The following ACO1 variants were observed in gnomAD, a reference collection of about 807,000 sequenced individuals.
ACO1 encodes the protein aconitase 1, also known as cytoplasmic aconitate hydratase.
In ACO1, 78 loss-of-function variants were observed where a neutral mutation model predicts 105.1. That is an observed-to-expected ratio of 0.74 (90% CI 0.62 to 0.90). ACO1 has a LOEUF of 0.90. ACO1 is among the 40% of genes least tolerant of loss of function. The probability of loss-of-function intolerance (pLI) is 0.00; values close to 1 mark genes in which losing one functional copy is unlikely to be tolerated. For missense variants in ACO1, 965 were observed against 1,111.1 expected (o/e 0.87, Z 1.87); for synonymous variants, 364 against 397.4 (o/e 0.92, Z 1.00).
chr9:32,440,518 C>A lies in ACO1; in HGVS notation c.2301C>A (p.Ile767=), dbSNP rs374624250. Reference sequence around the variant, plus strand: ...ACCAGCAGGCAGGCCTTCCCCTGATCGTTCTGGCTGGCAAAGAGTACGGTG... The same window carrying A: ...ACCAGCAGGCAGGCCTTCCCCTGATAGTTCTGGCTGGCAAAGAGTACGGTG... ...ERYQQAGLPL[I]VLAGKEYGAG... The change falls in exon 19 of 21, where the codon ATC becomes ATA. Residue 767 remains isoleucine (I), a synonymous_variant. Transcript: ENST00000309951. 10 of 1,613,860 alleles carry A rather than the reference C, an allele frequency of 6.2e-6. No homozygotes were observed. Among genetic ancestry groups the A allele is most frequent in the Non-Finnish European group, 7.6e-6 (9 of 1,179,946 alleles).
At position 32,454,119 on chromosome 9, in the gene ACO1, G is replaced by A. The variant is rs925576580; in HGVS notation, c.*4008G>A. On this transcript the variant is annotated 3_prime_UTR_variant, in exon 21 of 21. Transcript: ENST00000309951. ...TGTCCCCTGAGTAAAACAGTTCCAC[G>A]GTCAGTACATTTGGGAACCACTGAG... 3 of 152,116 alleles carry A rather than the reference G, an allele frequency of 2.0e-5. No individual in the cohort carries two copies. Among genetic ancestry groups the A allele is most frequent in the South Asian group, 2.1e-4 (1 of 4,832 alleles). 9.4% of individuals were successfully genotyped at this position (152,116 alleles called of 1,614,324 possible).
intron 1 of ACO1, among the ~76,000 whole-genome samples, chr9:32,395,688 C>A (rs1241876408): frequency 6.6e-6 from 1 of 152,168 alleles, no homozygotes; most frequent in Non-Finnish European, 1.5e-5. Flanking sequence ...ACAATGCCCC[C>A]ACTTCTTCCT....
chr9:32,402,415 A>C (rs1821517647), intron 1 of ACO1, among the ~76,000 whole-genome samples: 1 of 152,214 alleles, frequency 6.6e-6, no homozygotes, highest in South Asian at 2.1e-4. Context: ...TGTTGAATGA[A>C]GATCAGATAA....
chr9:32,393,501 T>C (rs1821309318), intron 1 of ACO1, among the ~76,000 whole-genome samples: 1 of 152,208 alleles, frequency 6.6e-6, no homozygotes, highest in African/African-American at 2.4e-5. Context: ...AATTTTAATT[T>C]TGCCTCAGTC....
chr9:32,410,634 A>G (rs567115185), intron 4 of ACO1, among the ~76,000 whole-genome samples: 71 of 152,318 alleles, frequency 4.7e-4, no homozygotes, highest in African/African-American at 1.5e-3. Context: ...TTGGCTCAAA[A>G]TGGTAATCAA....
At chr9:32,411,254 A>G (rs745540192) in intron 4 of ACO1, among the ~76,000 whole-genome samples, 7 of 152,246 alleles carry the variant, frequency 4.6e-5, no homozygotes, top group Non-Finnish European at 8.8e-5. Flanking sequence ...ATCTTAACCT[A>G]GAAGTATGAC....
rs1554660739 is a variant in ACO1 at position 32,416,097 on chromosome 9, C to CA, written c.405-2031_405-2030insA. On this transcript the variant is annotated intron_variant, in intron 4 of 20. Coordinates refer to ENST00000309951, the MANE Select transcript of ACO1 (RefSeq NM_002197.3). ...TCTGTGTGGTAACCAAATATGTTTT[C>CA]TTTTTTTTTTTTTTTGAGATGGCGT... 2.9e-5 allele frequency among the ~76,000 whole-genome samples: 4 copies of CA among 137,888 alleles called. No individual in the cohort carries two copies. In the East Asian group the frequency reaches 8.5e-4, roughly 29 times the overall value. The allele number at this position is 137,888 out of a possible 152,430, so 90.5% of individuals were successfully genotyped here. A position where few individuals can be genotyped will look rare whatever the true frequency, so the allele number is the denominator to read the frequency against.
rs1007176805 is a variant in ACO1 at position 32,432,086 on chromosome 9, G to C, written c.1851+243G>C. 9.2e-5 allele frequency among the ~76,000 whole-genome samples: 14 copies of C among 152,078 alleles called. 1 individual carries two copies. The highest frequency in any genetic ancestry group is 9.2e-4 in the Admixed American group (14 of 15,262). ...GTTGGTGACAGCCTAGAGAAGAAAG[G>C]CCTCCTCAGGTTCAGCTCTCCAAAA... On this transcript the variant is annotated intron_variant, in intron 15 of 20. Coordinates refer to ENST00000309951, the MANE Select transcript of ACO1 (RefSeq NM_002197.3).
Position 32,414,093 on chromosome 9 carries a change from C to T in ACO1, c.405-4035C>T, listed in dbSNP as rs577111800. ...GCGTGAACCCAGGAGGCGGAGCTTG[C>T]AGTGAGCCGAGATTGCGCCACTGCA... On this transcript the variant is annotated intron_variant, in intron 4 of 20. Coordinates refer to ENST00000309951, the MANE Select transcript of ACO1 (RefSeq NM_002197.3). Among the ~76,000 whole-genome samples the T allele has an allele frequency of 2.0e-4, 31 of 152,244 alleles. 1 individual carries two copies. The East Asian group carries it at 4.3e-3, about 21-fold the overall frequency.
intron 1 of ACO1, among the ~76,000 whole-genome samples, chr9:32,387,177 A>C (rs1434504405): frequency 6.6e-6 from 1 of 152,148 alleles, no homozygotes; most frequent in Non-Finnish European, 1.5e-5. Flanking sequence ...TCACAGGGAA[A>C]TTACCTCCAA....
intron 1 of ACO1, among the ~76,000 whole-genome samples, chr9:32,392,962 T>C (rs1821296734): frequency 6.6e-6 from 1 of 152,228 alleles, no homozygotes; most frequent in Non-Finnish European, 1.5e-5. Context: ...TTTACTTTAA[T>C]CTCTTAATCC....
chr9:32,406,639 C>T (rs1821617263), intron 2 of ACO1, among the ~76,000 whole-genome samples: 4 of 152,146 alleles, frequency 2.6e-5, no homozygotes, highest in African/African-American at 9.7e-5. Context: ...AAACAAAACA[C>T]ATAATACAAT....
intron 1 of ACO1, among the ~76,000 whole-genome samples, chr9:32,398,873 G>T (rs1821429389): frequency 6.6e-6 from 1 of 152,122 alleles, no homozygotes; most frequent in Non-Finnish European, 1.5e-5. Context: ...GGGATTACAG[G>T]CATGAGCCAC....
At chr9:32,438,408 G>T (rs1308770700) in intron 18 of ACO1, among the ~76,000 whole-genome samples, 1 of 152,220 alleles carries the variant, frequency 6.6e-6, no homozygotes, top group South Asian at 2.1e-4. Context: ...CAGGATGCTA[G>T]TGAAGGAAGA....
rs1468664588 is a variant in ACO1 at position 32,439,407 on chromosome 9, A to G, written c.2248-1058A>G. On this transcript the variant is annotated intron_variant, in intron 18 of 20. Transcript: ENST00000309951. This position sits in a 1 kb window ranked among gnomAD's most constrained non-coding sequence, Gnocchi z 4.0. Reference sequence around the variant, plus strand: ...AGGTTCCATCAGTACACCAAAATACAAATTTGTGAAAGTCTGTTTGAGAGT... The same window carrying G: ...AGGTTCCATCAGTACACCAAAATACGAATTTGTGAAAGTCTGTTTGAGAGT... 6.6e-6 allele frequency among the ~76,000 whole-genome samples: 1 copy of G among 152,334 alleles called. No individual in the cohort carries two copies. Among genetic ancestry groups the G allele is most frequent in the Admixed American group, 6.5e-5 (1 of 15,306 alleles).
chr9:32,410,280 C>G lies in ACO1; in HGVS notation c.404+1629C>G, dbSNP rs528337293. Among the ~76,000 whole-genome samples, 29 of 152,068 alleles carry G rather than the reference C, an allele frequency of 1.9e-4. 1 individual carries two copies. The highest frequency in any genetic ancestry group is 4.4e-5 in the Non-Finnish European group (3 of 68,014). On this transcript the variant is annotated intron_variant, in intron 4 of 20. Transcript: ENST00000309951. ...CTATAAGAGTAGAGTACCTGATGGC[C>G]GGGCGTGGTGGCTCACGCCTGTAAT... is the stretch of plus-strand genomic sequence containing the variant.
rs1821254467 is a variant in ACO1, at chr9:32,390,918, G to A, written c.-23+6183G>A. Among the ~76,000 whole-genome samples the A allele has an allele frequency of 2.6e-5, 4 of 152,104 alleles. No individual in the cohort carries two copies. The South Asian group carries it at 8.3e-4, about 32-fold the overall frequency. ...TGCATCCCCTCACCTCCCCCCACCA[G>A]GCGAAAGACCTGAAAAAATACAACT... On this transcript the variant is annotated intron_variant, in intron 1 of 20. Transcript: ENST00000309951.
Position 32,448,901 on chromosome 9 carries a change from C to G in ACO1, c.2376C>G (p.Ile792Met). The G allele has an allele frequency of 1.2e-6, 2 of 1,614,192 alleles. No homozygotes were observed. The highest frequency in any genetic ancestry group is 1.7e-6 in the Non-Finnish European group (2 of 1,180,034). ...CTACTGTCTTTATTCATCAGGGAAT[C>G]AAAGCCGTCCTGGCCGAGAGCTACG... is the stretch of plus-strand genomic sequence containing the variant. The part of the protein sequence containing the change: ...WAAKGPFLLG[I>M]KAVLAESYER... The change falls in exon 20 of 21, where the codon ATC becomes ATG. Residue 792 changes from isoleucine to methionine, a missense_variant. Coordinates refer to ENST00000309951, the MANE Select transcript of ACO1 (RefSeq NM_002197.3).
Position 32,408,614 on chromosome 9 carries a change from G to C in ACO1, c.367G>C (p.Val123Leu). ...KINPVCPADL[V>L]IDHSIQVDFN... ...AAACCCTGTCTGCCCTGCTGATCTTGTAATAGATCATTCCATCCAGGTTGA... is the reference window on the plus strand; with the variant it reads ...AAACCCTGTCTGCCCTGCTGATCTTCTAATAGATCATTCCATCCAGGTTGA... The change falls in exon 4 of 21, where the codon GTA (valine) becomes CTA (leucine). Residue 123 changes from valine to leucine, a missense_variant. Val to Leu is a conservative substitution (Grantham distance 32). Coordinates refer to ENST00000309951, the MANE Select transcript of ACO1 (RefSeq NM_002197.3). 6.2e-7 allele frequency: 1 copy of C among 1,614,166 alleles called. No homozygotes were observed. Among genetic ancestry groups the C allele is most frequent in the Non-Finnish European group, 8.5e-7 (1 of 1,180,010 alleles).
Sources: gnomAD v4.1 joint callset for allele counts (sites outside exome capture counted in the v4.1 genomes callset) on GRCh38, gnomAD v4.1.1 for gene constraint, Gnocchi (gnomAD v3.1) non-coding constraint, MANE v1.5 for transcripts, NCBI Gene and HGNC (gene_info 2026-07-23, HGNC 2026-07-21) for gene names.